Variants in KLHDC2 observed in about 807,000 individuals in gnomAD.
KLHDC2 encodes the protein kelch domain-containing protein 2.
KLHDC2 carries 38 observed loss-of-function variants against 62.3 expected under a neutral mutation model. That is an observed-to-expected ratio of 0.61 (90% CI 0.47 to 0.80). The LOEUF (loss-of-function observed/expected upper bound fraction) is 0.80, where lower values mean the gene tolerates loss of function less well. Ranked by LOEUF, KLHDC2 falls within the 30% of genes least tolerant of loss-of-function variation. The pLI, the probability that KLHDC2 is intolerant of heterozygous loss-of-function variation, is 0.00. For synonymous variants in KLHDC2, 159 were observed against 161.0 expected (o/e 0.99, Z 0.09); for missense variants, 430 against 495.3 (o/e 0.87, Z 1.25).
intron 9 of KLHDC2, 91 bp downstream of exon 9, chr14:49,780,413 C>A: frequency 1.1e-6 from 1 of 883,294 alleles, no homozygotes. Context: ...GATGAGACGG[C>A]TTATAGGGTT....
Position 49,785,250 on chromosome 14 carries a change from C to A in KLHDC2, c.*2297C>A. ...GTTTGTCATGGTGGTGTAAGGGGCA[C>A]ATATTGGAATGGCAAACAGTAGTAC... On this transcript the variant is annotated 3_prime_UTR_variant, in exon 13 of 13. Transcript: ENST00000298307. 1 of 1,613,848 alleles carries A rather than the reference C, an allele frequency of 6.2e-7. No individual in the cohort carries two copies. The highest frequency in any genetic ancestry group is 1.1e-5 in the South Asian group (1 of 91,082).
chr14:49,780,926 A>C lies in KLHDC2; in HGVS notation c.956+151A>C, dbSNP rs149197781. The C allele has an allele frequency of 3.7e-4, 226 of 615,114 alleles. 3 individuals carry two copies. The East Asian group carries it at 6.2e-3, about 17-fold the overall frequency. The allele number at this position is 615,114 out of a possible 1,614,324, so 38.1% of individuals were successfully genotyped here. A position where few individuals can be genotyped will look rare whatever the true frequency, so the allele number is the denominator to read the frequency against. ...AAGAAAAGAAAACCAATGTTATCCT[A>C]GTATCGAATGATCTCCTTTCCGTCA... On this transcript the variant is annotated intron_variant, in intron 10 of 12. Transcript: ENST00000298307.
At chr14:49,779,567 C>CACTA in intron 6 of KLHDC2, 28 bp from the exon 7 acceptor site, 4 of 1,580,224 alleles carry the variant, frequency 2.5e-6, no homozygotes, top group African/African-American at 1.3e-5. Context: ...ATAAAAAGTT[C>CACTA]ACTAACTTGC....
intron 3 of KLHDC2, among the ~76,000 whole-genome samples, chr14:49,777,407 T>TA (rs950014586): frequency 3.3e-5 from 5 of 151,614 alleles, no homozygotes; most frequent in Admixed American, 1.3e-4. Context: ...AGATAAAAAA[T>TA]AAAAAAATAA....
At chr14:49,773,766 T>G (rs913918793) in intron 2 of KLHDC2, among the ~76,000 whole-genome samples, 4 of 151,474 alleles carry the variant, frequency 2.6e-5, no homozygotes, top group East Asian at 2.0e-4. Context: ...TTAGTAGAGA[T>G]AGGGTTTCAC....
chr14:49,782,192 A>G, intron 10 of KLHDC2, 178 bp from the exon 11 acceptor site: 2 of 540,252 alleles, frequency 3.7e-6, no homozygotes, highest in Admixed American at 3.6e-5. Context: ...ATCCAGATAA[A>G]ATAGATATTG....
chr14:49,782,931 G>A lies in KLHDC2; in HGVS notation c.1199G>A (p.Ser400Asn). The A allele has an allele frequency of 1.2e-6, 2 of 1,613,332 alleles. No homozygotes were observed. The highest frequency in any genetic ancestry group is 1.7e-6 in the Non-Finnish European group (2 of 1,179,652). ...CACAGTGTTAATCAGAGGTTTGGTA[G>A]TAACAACACTTCTGGATCTTAAGGC... ...LLHSVNQRFG[S>N]NNTSGS The change falls in exon 13 of 13, where the codon AGT becomes AAT. Residue 400 changes from serine (S) to asparagine (N), a missense_variant. Transcript: ENST00000298307.
chr14:49,784,415 T>G lies in KLHDC2; in HGVS notation c.*1462T>G, dbSNP rs1162839304. On this transcript the variant is annotated 3_prime_UTR_variant, in exon 13 of 13. Transcript: ENST00000298307. ...AACTACAGATGTATATTAATTAGCA[T>G]TTAACTGTCCACAAATACTTTTGGA... The G allele has an allele frequency of 6.7e-6, 3 of 448,010 alleles. No homozygotes were observed. Among genetic ancestry groups the G allele is most frequent in the African/African-American group, 6.1e-5 (3 of 49,432 alleles). 27.8% of individuals were successfully genotyped at this position (448,010 alleles called of 1,614,324 possible).
At chr14:49,779,886 C>T in intron 8 of KLHDC2, 80 bp downstream of exon 8, 1 of 948,084 alleles carries the variant, frequency 1.1e-6, no homozygotes, top group South Asian at 1.4e-5. Flanking sequence ...ATATAATGTC[C>T]TTGCTTAACT....
intron 10 of KLHDC2, among the ~76,000 whole-genome samples, chr14:49,781,187 G>A (rs575858448): frequency 6.6e-6 from 1 of 151,996 alleles, no homozygotes. Flanking sequence ...GGCCAACATG[G>A]TGAAACCCCG....
At position 49,782,865 on chromosome 14, in the gene KLHDC2, T is replaced by C; in HGVS notation, c.1133T>C (p.Met378Thr). Residue 378 changes from methionine to threonine, a missense_variant, in exon 13 of 13, where the codon ATG becomes ACG. By Grantham distance (81) the Met-to-Thr change is moderately conservative (BLOSUM62 -1). Transcript: ENST00000298307. ...SLEAVICFKEMLANSWNCLPK... is the reference protein window; with the variant it reads ...SLEAVICFKETLANSWNCLPK... ...GAAGCAGTCATTTGCTTTAAAGAAA[T>C]GTTAGCCAACTCATGGAACTGCCTT... 1 of 1,613,916 alleles carries C rather than the reference T, an allele frequency of 6.2e-7. No homozygotes were observed. Among genetic ancestry groups the C allele is most frequent in the Non-Finnish European group, 8.5e-7 (1 of 1,179,868 alleles).
chr14:49,785,057 TTAAAATCA>T lies in KLHDC2; in HGVS notation c.*2108_*2115del. The T allele has an allele frequency of 2.5e-6, 4 of 1,606,838 alleles. No homozygotes were observed. The highest frequency in any genetic ancestry group is 3.4e-6 in the Non-Finnish European group (4 of 1,173,688). On this transcript the variant is annotated 3_prime_UTR_variant, in exon 13 of 13. Coordinates refer to ENST00000298307, the MANE Select transcript of KLHDC2 (RefSeq NM_014315.3). ...ATCTACTGTTAAGTCACTGAACTGT[TTAAAATCA>T]TAATTCAAAAAAACAAATTTAAATA...
At chr14:49,773,570 C>CT (rs569284056) in intron 2 of KLHDC2, among the ~76,000 whole-genome samples, 33 of 74,144 alleles carry the variant, frequency 4.5e-4, no homozygotes, top group African/African-American at 1.5e-3. Flanking sequence ...AAAATAATAA[C>CT]TTTTTTTTTT....
chr14:49,773,798 G>A (rs1465147862), intron 2 of KLHDC2, among the ~76,000 whole-genome samples: 1 of 151,364 alleles, frequency 6.6e-6, no homozygotes, highest in Non-Finnish European at 1.5e-5. Context: ...GTATGGTCTC[G>A]ATTTCTTGAC....
rs1594712829 is a variant in KLHDC2, at chr14:49,784,759, A to G, written c.*1806A>G. On this transcript the variant is annotated 3_prime_UTR_variant, in exon 13 of 13. Coordinates refer to ENST00000298307, the MANE Select transcript of KLHDC2 (RefSeq NM_014315.3). ...AATATCTTCACATCCTGTATGGTCA[A>G]TCATGTTTCTTTTATGACAAAAACG... 2 of 1,525,184 alleles carry G rather than the reference A, an allele frequency of 1.3e-6. No individual in the cohort carries two copies. Among genetic ancestry groups the G allele is most frequent in the East Asian group, 2.3e-5 (1 of 44,306 alleles). The allele number at this position is 1,525,184 out of a possible 1,614,324, so 94.5% of individuals were successfully genotyped here. A position where few individuals can be genotyped will look rare whatever the true frequency, so the allele number is the denominator to read the frequency against.
chr14:49,782,661 A>G (rs1410899792), intron 12 of KLHDC2, 67 bp downstream of exon 12: 3 of 1,410,134 alleles, frequency 2.1e-6, no homozygotes. Flanking sequence ...AGCACTCTCG[A>G]AAAACTAGGT....
intron 2 of KLHDC2, among the ~76,000 whole-genome samples, chr14:49,772,374 A>G (rs1889681820): frequency 6.6e-6 from 1 of 152,244 alleles, no homozygotes; most frequent in Non-Finnish European, 1.5e-5. Context: ...ATAAGCTCTC[A>G]AAATTTGCAT....
In KLHDC2 at chr14:49,783,169, G is replaced by A. The variant is rs1889993392; in HGVS notation, c.*216G>A. On this transcript the variant is annotated 3_prime_UTR_variant, in exon 13 of 13. Coordinates refer to ENST00000298307, the MANE Select transcript of KLHDC2 (RefSeq NM_014315.3). ...TGTCCTCTATTAAAGTAAAGTAATG[G>A]TTGGGCTTTTTACCCTGAAGAATGG... The A allele has an allele frequency of 2.7e-6, 1 of 365,320 alleles. No homozygotes were observed. The highest frequency in any genetic ancestry group is 2.1e-5 in the African/African-American group (1 of 47,554). 22.6% of individuals were successfully genotyped at this position (365,320 alleles called of 1,614,324 possible).
Position 49,783,096 on chromosome 14 carries a change from C to CT in KLHDC2, c.*144dup. 1 of 690,494 alleles carries CT rather than the reference C, an allele frequency of 1.4e-6. No homozygotes were observed. The highest frequency in any genetic ancestry group is 2.2e-6 in the Non-Finnish European group (1 of 447,378). The allele number at this position is 690,494 out of a possible 1,614,324, so 42.8% of individuals were successfully genotyped here. Reference sequence around the variant, plus strand: ...TGTGCATGTGAATGGCCTAGAGAACCTATTTTTGTGTCTAAAGTTTACAAT... The same window carrying CT: ...TGTGCATGTGAATGGCCTAGAGAACCTTATTTTTGTGTCTAAAGTTTACAAT... On this transcript the variant is annotated 3_prime_UTR_variant, in exon 13 of 13. Transcript: ENST00000298307.
Sources: gnomAD v4.1 joint callset for allele counts (sites outside exome capture counted in the v4.1 genomes callset) on GRCh38, gnomAD v4.1.1 for gene constraint, MANE v1.5 for transcripts, NCBI Gene and HGNC (gene_info 2026-07-23, HGNC 2026-07-21) for gene names.